The following MBOAT1 variants were observed in gnomAD, a reference collection of about 807,000 sequenced individuals.
MBOAT1 encodes the protein membrane bound glycerophospholipid O-acyltransferase 1, also known as membrane-bound glycerophospholipid O-acyltransferase 1.
MBOAT1 carries 67 observed loss-of-function variants against 64.4 expected under a neutral mutation model. The observed-to-expected ratio is 1.04, with a 90% CI of 0.85 to 1.27. The LOEUF (loss-of-function observed/expected upper bound fraction) is 1.27, where lower values mean the gene tolerates loss of function less well. Ranked by LOEUF, MBOAT1 falls within the 50% of genes most tolerant of loss-of-function variation. The pLI, the probability that MBOAT1 is intolerant of heterozygous loss-of-function variation, is 0.00. For missense variants in MBOAT1, 563 were observed against 604.6 expected (o/e 0.93, Z 0.72); for synonymous variants, 229 against 218.9 (o/e 1.05, Z -0.41).
intron 11 of MBOAT1, among the ~76,000 whole-genome samples, chr6:20,111,849 T>TATATATATACATATATATATAC (rs1760165899): frequency 1.2e-5 from 1 of 80,228 alleles, no homozygotes; most frequent in Non-Finnish European, 2.6e-5. Context: ...TATATATACA[T>TATATATATACATATATATATAC]ATATATATAC....
intron 12 of MBOAT1, 43 bp from the exon 13 acceptor site, chr6:20,102,455 G>A (rs770487672): frequency 3.3e-6 from 5 of 1,533,400 alleles, no homozygotes; most frequent in African/African-American, 1.4e-5. Context: ...AAATAAGGAT[G>A]TAGATGGGAA....
In MBOAT1 at chr6:20,151,194, T is replaced by C. The variant is rs1480054135; in HGVS notation, c.314A>G (p.Asn105Ser). Residue 105 changes from asparagine to serine, a missense_variant, in exon 3 of 13, where the codon AAT (asparagine) becomes AGT (serine). Coordinates refer to ENST00000324607, the MANE Select transcript of MBOAT1 (RefSeq NM_001080480.3). ...YAIMVTASVS[N>S]IHRYSFFVAM... is the part of the protein sequence containing the mutation. ...ATTCCCAGTATCTTACCTGTGAATA[T>C]TGGATACACTAGCAGTGACCATGAT... 6.2e-7 allele frequency: 1 copy of C among 1,610,904 alleles called. No homozygotes were observed. The highest frequency in any genetic ancestry group is 8.5e-7 in the Non-Finnish European group (1 of 1,177,562).
intron 1 of MBOAT1, among the ~76,000 whole-genome samples, chr6:20,182,594 G>A (rs1437734917): frequency 6.6e-6 from 1 of 152,050 alleles, no homozygotes. Context: ...TTTCTCCCAG[G>A]CGAGCAATGC....
At chr6:20,133,324 G>C (rs1461181455) in intron 4 of MBOAT1, among the ~76,000 whole-genome samples, 3 of 152,138 alleles carry the variant, frequency 2.0e-5, no homozygotes, top group Admixed American at 6.5e-5. Context: ...AAACAAAATT[G>C]CTCTTGCAGA....
At chr6:20,194,783 G>A (rs1477775047) in intron 1 of MBOAT1, among the ~76,000 whole-genome samples, 4 of 152,178 alleles carry the variant, frequency 2.6e-5, no homozygotes, top group Admixed American at 1.3e-4. Context: ...TCTTAAGGGT[G>A]AGTGTCTACA....
intron 4 of MBOAT1, among the ~76,000 whole-genome samples, chr6:20,134,888 T>A (rs893459850): frequency 3.4e-5 from 5 of 147,710 alleles, no homozygotes; most frequent in East Asian, 4.0e-4. Context: ...TGGTTTATGA[T>A]TGGAATTCAT....
chr6:20,152,342 A>T (rs78864971), intron 2 of MBOAT1, among the ~76,000 whole-genome samples: 24 of 38,912 alleles, frequency 6.2e-4, no homozygotes, highest in South Asian at 1.1e-3. Context: ...AAAAAAATAA[A>T]AAATAAATAA....
intron 4 of MBOAT1, among the ~76,000 whole-genome samples, chr6:20,138,258 T>C (rs1561758309): frequency 6.6e-6 from 1 of 152,226 alleles, no homozygotes; most frequent in Non-Finnish European, 1.5e-5. Context: ...CACTCAGTAA[T>C]CACAGAACTG....
chr6:20,177,005 C>T (rs534243762), intron 1 of MBOAT1, among the ~76,000 whole-genome samples: 53 of 152,236 alleles, frequency 3.5e-4, no homozygotes, highest in African/African-American at 1.2e-3. Context: ...GTCAGAACTC[C>T]ACAATTTACA....
intron 7 of MBOAT1, 118 bp downstream of exon 7, chr6:20,126,399 A>G: frequency 1.2e-6 from 1 of 856,710 alleles, no homozygotes. Context: ...TTTTAAATAA[A>G]TGAGAAAAGT....
At chr6:20,122,966 A>C (rs1054426009) in intron 8 of MBOAT1, among the ~76,000 whole-genome samples, 5 of 151,854 alleles carry the variant, frequency 3.3e-5, no homozygotes, top group African/African-American at 1.2e-4. Context: ...TGAGTAGCTG[A>C]GATTACAGTA....
At chr6:20,173,591 A>G (rs1282032292) in intron 1 of MBOAT1, among the ~76,000 whole-genome samples, 1 of 152,218 alleles carries the variant, frequency 6.6e-6, no homozygotes, top group African/African-American at 2.4e-5. Context: ...CAGAAATCAG[A>G]CAACTTTTAA....
At chr6:20,121,902 T>C (rs923835890) in intron 8 of MBOAT1, among the ~76,000 whole-genome samples, 5 of 152,156 alleles carry the variant, frequency 3.3e-5, no homozygotes, top group African/African-American at 9.7e-5. Flanking sequence ...CAGTGGCTCA[T>C]GTCTGTAATC....
chr6:20,135,594 G>A (rs843319), intron 4 of MBOAT1, among the ~76,000 whole-genome samples: 82,596 of 152,008 alleles, frequency 0.54, 25,530 homozygotes, highest in Middle Eastern at 0.7. Context: ...GTAAAGGTAG[G>A]ATGGGACAAT....
intron 9 of MBOAT1, among the ~76,000 whole-genome samples, 194 bp from the exon 10 acceptor site, chr6:20,115,546 A>G (rs972927067): frequency 6.6e-6 from 1 of 152,136 alleles, no homozygotes; most frequent in Non-Finnish European, 1.5e-5. Flanking sequence ...TGCAACTAAA[A>G]CCTGTCTTGC....
At chr6:20,142,810 C>T (rs1581419313) in intron 4 of MBOAT1, among the ~76,000 whole-genome samples, 1 of 152,276 alleles carries the variant, frequency 6.6e-6, no homozygotes, top group East Asian at 1.9e-4. Context: ...AAAGCACGCT[C>T]CACAATGTGG....
chr6:20,112,054 T>C (rs1760187086), intron 11 of MBOAT1, among the ~76,000 whole-genome samples: 1 of 150,718 alleles, frequency 6.6e-6, no homozygotes, highest in Non-Finnish European at 1.5e-5. Context: ...GATAGCTATG[T>C]GGGGGCTCCT....
intron 10 of MBOAT1, among the ~76,000 whole-genome samples, chr6:20,114,080 C>A (rs1279474338): frequency 6.6e-6 from 1 of 152,096 alleles, no homozygotes; most frequent in African/African-American, 2.4e-5. Context: ...AAATCATTTG[C>A]AAAATTTATT....
intron 1 of MBOAT1, among the ~76,000 whole-genome samples, chr6:20,177,019 C>T (rs1315540227): frequency 2.0e-5 from 3 of 152,198 alleles, no homozygotes; most frequent in African/African-American, 7.2e-5. Flanking sequence ...ATTTACACAG[C>T]TATTTCATAC....
Sources: gnomAD v4.1 joint callset for allele counts (sites outside exome capture counted in the v4.1 genomes callset) on GRCh38, gnomAD v4.1.1 for gene constraint, MANE v1.5 for transcripts, NCBI Gene and HGNC (gene_info 2026-07-23, HGNC 2026-07-21) for gene names.